The following ASB5 variants were observed in gnomAD, a reference collection of about 807,000 sequenced individuals.
ASB5 encodes the protein ankyrin repeat and SOCS box protein 5.
In ASB5, 45 loss-of-function variants were observed where a neutral mutation model predicts 42.1. That is an observed-to-expected ratio of 1.07 (90% CI 0.84 to 1.37). The LOEUF is 1.37. Ranked by LOEUF, ASB5 falls within the 40% of genes most tolerant of loss-of-function variation. The pLI, the probability that ASB5 is intolerant of heterozygous loss-of-function variation, is 0.00. For synonymous variants in ASB5, 147 were observed against 150.6 expected, an observed-to-expected ratio of 0.98 and a Z score of 0.18; for missense variants, 402 against 399.8, an observed-to-expected ratio of 1.01 and a Z score of -0.05.
At chr4:176,237,319 AG>A (rs1369889654) in intron 1 of ASB5, 1 of 985,806 alleles carries the variant, frequency 1.0e-6, no homozygotes, top group African/African-American at 1.7e-5. Flanking sequence ...TACCCCAGCT[AG>A]CTTTTCGTTT....
chr4:176,271,963 A>G (rs1302191997), upstream of ASB5, among the ~76,000 whole-genome samples: 2 of 152,158 alleles, frequency 1.3e-5, no homozygotes, highest in Admixed American at 1.3e-4. Context: ...TCACAGACAC[A>G]TACACATACT....
At chr4:176,253,761 CA>C (rs1754091429) in intron 1 of ASB5, among the ~76,000 whole-genome samples, 1 of 152,094 alleles carries the variant, frequency 6.6e-6, no homozygotes, top group Non-Finnish European at 1.5e-5. Context: ...GCTGAGAGCC[CA>C]ATCAAGAACA....
chr4:176,225,174 G>A, intron 2 of ASB5, 88 bp downstream of exon 2: 2 of 1,024,138 alleles, frequency 2.0e-6, no homozygotes, highest in Non-Finnish European at 2.9e-6. Context: ...AAATGTAAGT[G>A]GTTTTATCAT....
intron 4 of ASB5, 49 bp from the exon 5 acceptor site, chr4:176,221,338 A>C (rs1753200039): frequency 6.2e-7 from 1 of 1,605,752 alleles, no homozygotes; most frequent in Non-Finnish European, 8.5e-7. Flanking sequence ...TCCACCCCAC[A>C]CACCTCACCC....
chr4:176,253,639 T>C (rs1187511001), intron 1 of ASB5, among the ~76,000 whole-genome samples: 1 of 152,164 alleles, frequency 6.6e-6, no homozygotes, highest in Non-Finnish European at 1.5e-5. Flanking sequence ...TAGAAAACTC[T>C]AAGAACTCTA....
At chr4:176,275,135 G>A (rs1423492586) in intron 2 of ASB5, among the ~76,000 whole-genome samples, 4 of 151,970 alleles carry the variant, frequency 2.6e-5, no homozygotes, top group Admixed American at 6.6e-5. Flanking sequence ...GGCTGGTCTT[G>A]AACTCCTGAC....
chr4:176,240,394 A>C (rs1051779266), intron 1 of ASB5, among the ~76,000 whole-genome samples: 1 of 152,202 alleles, frequency 6.6e-6, no homozygotes, highest in African/African-American at 2.4e-5. Flanking sequence ...ACCAGTGCTA[A>C]TGTCCCTGAA....
At chr4:176,231,876 C>T (rs1753556354) in intron 1 of ASB5, among the ~76,000 whole-genome samples, 1 of 99,216 alleles carries the variant, frequency 1.0e-5, no homozygotes, top group African/African-American at 3.7e-5. Context: ...ACAAAAAAGT[C>T]TTTACCTGCT....
At chr4:176,216,666 T>C (rs1752978908) in intron 6 of ASB5, 152 bp downstream of exon 6, 1 of 725,730 alleles carries the variant, frequency 1.4e-6, no homozygotes, top group Admixed American at 3.3e-5. Context: ...TCTTTATAGA[T>C]AAAACCTAAG....
At position 176,269,199 on chromosome 4, in the gene ASB5, T is replaced by G. The variant is rs1754424585; in HGVS notation, c.-91A>C. ...CGGGATGCTCCTGAACAGCTGGTCC[T>G]GAGGAAAGAAAATATCAGCTGGTAG... On this transcript the variant is annotated 5_prime_UTR_variant, in exon 1 of 7. Transcript: ENST00000296525. 1 of 1,177,366 alleles carries G rather than the reference T, an allele frequency of 8.5e-7. No individual in the cohort carries two copies. The highest frequency in any genetic ancestry group is 1.6e-5 in the South Asian group (1 of 61,586). 72.9% of individuals were successfully genotyped at this position (1,177,366 alleles called of 1,614,324 possible).
At chr4:176,261,502 T>C (rs906216326) in intron 1 of ASB5, among the ~76,000 whole-genome samples, 2 of 152,214 alleles carry the variant, frequency 1.3e-5, no homozygotes, top group Non-Finnish European at 2.9e-5. Context: ...ATCCCTGACA[T>C]TTATACTTCC....
Position 176,221,543 on chromosome 4 carries a change from T to G in ASB5, c.442A>C (p.Ser148Arg), listed in dbSNP as rs1753208890. 1 of 1,614,066 alleles carries G rather than the reference T, an allele frequency of 6.2e-7. No individual in the cohort carries two copies. Residue 148 changes from serine (S) to arginine (R), a missense_variant, in exon 4 of 7, where the codon AGT becomes CGT. Transcript: ENST00000296525. ...AGAAGCAGCTCTGCACAGCTTGGACTGCCTTGGGAGCATGCGTTGAATAAC... is the reference window on the plus strand; with the variant it reads ...AGAAGCAGCTCTGCACAGCTTGGACGGCCTTGGGAGCATGCGTTGAATAAC... ...TPLFNACSQG[S>R]PSCAELLLEY...
At chr4:176,237,948 G>A (rs928337459) in intron 1 of ASB5, among the ~76,000 whole-genome samples, 3 of 152,258 alleles carry the variant, frequency 2.0e-5, no homozygotes, top group South Asian at 2.1e-4. Flanking sequence ...AGGGCTGGGC[G>A]TGGTGGCTCA....
intron 1 of ASB5, among the ~76,000 whole-genome samples, chr4:176,233,366 C>T (rs1753600224): frequency 6.6e-6 from 1 of 152,342 alleles, no homozygotes; most frequent in South Asian, 2.1e-4. Context: ...ACGCTGATCT[C>T]TCCCACAAAT....
rs143480610 is a variant in ASB5 at position 176,255,334 on chromosome 4, C to T, written c.196+13579G>A. Among the ~76,000 whole-genome samples the T allele has an allele frequency of 8.5e-5, 13 of 152,324 alleles. No homozygotes were observed. The East Asian group carries it at 2.3e-3, about 27-fold the overall frequency. On this transcript the variant is annotated intron_variant, in intron 1 of 6. Transcript: ENST00000296525. The stretch of plus-strand genomic sequence containing the variant: ...ATTTCTCAAGGAACTAAGAGTTGAA[C>T]TACCATTCAACCTAGCAATCCCATT...
At chr4:176,237,224 T>C in intron 1 of ASB5, 1 of 950,794 alleles carries the variant, frequency 1.1e-6, no homozygotes, top group South Asian at 4.9e-5. Flanking sequence ...TTAAAGTTAG[T>C]ATTTGCAAAA....
intron 1 of ASB5, among the ~76,000 whole-genome samples, chr4:176,225,566 C>A (rs1753353546): frequency 7.0e-6 from 1 of 143,532 alleles, no homozygotes; most frequent in South Asian, 2.2e-4. Flanking sequence ...AATTGACCCA[C>A]CCCAGACTTA....
At chr4:176,255,782 G>A (rs1015081081) in intron 1 of ASB5, among the ~76,000 whole-genome samples, 2 of 152,134 alleles carry the variant, frequency 1.3e-5, no homozygotes, top group Non-Finnish European at 2.9e-5. Flanking sequence ...TGGGTGATGA[G>A]ATCAATTGTA....
At chr4:176,276,481 A>AATGATGTATT (rs1754566143) in intron 1 of ASB5, among the ~76,000 whole-genome samples, 1 of 152,174 alleles carries the variant, frequency 6.6e-6, no homozygotes, top group Non-Finnish European at 1.5e-5. Context: ...ATATAAAACA[A>AATGATGTATT]ATGATGTATT....
Sources: gnomAD v4.1 joint callset for allele counts (sites outside exome capture counted in the v4.1 genomes callset) on GRCh38, gnomAD v4.1.1 for gene constraint, MANE v1.5 for transcripts, NCBI Gene and HGNC (gene_info 2026-07-23, HGNC 2026-07-21) for gene names.